Variants in GSE1 observed in about 807,000 individuals in gnomAD.
GSE1 encodes the protein Gse1 coiled-coil protein, also known as genetic suppressor element 1.
In GSE1, 32 loss-of-function variants were observed where a neutral mutation model predicts 112.6. The observed-to-expected ratio is 0.28, with a 90% CI of 0.21 to 0.38. The LOEUF is 0.38. GSE1 is among the 10% of genes least tolerant of loss of function. The pLI is 1.00. For synonymous variants in GSE1, 1,115 were observed against 735.6 expected, an observed-to-expected ratio of 1.52 and a Z score of -8.35; for missense variants, 2,348 against 1,699.2, an observed-to-expected ratio of 1.38 and a Z score of -6.71.
At chr16:85,460,821 G>A (rs1226173781) in intron 2 of GSE1, among the ~76,000 whole-genome samples, 1 of 152,148 alleles carries the variant, frequency 6.6e-6, no homozygotes, top group African/African-American at 2.4e-5. Flanking sequence ...GAGGAAGCCA[G>A]GGTGGGGGTG....
chr16:85,257,237 T>C (rs1181175544), intron 1 of GSE1, among the ~76,000 whole-genome samples: 5 of 152,194 alleles, frequency 3.3e-5, no homozygotes, highest in Admixed American at 3.3e-4. Flanking sequence ...TCCTCCCGAA[T>C]AGCTGGCATT....
chr16:85,365,232 C>G (rs1390862645), intron 2 of GSE1, among the ~76,000 whole-genome samples: 1 of 152,176 alleles, frequency 6.6e-6, no homozygotes. Context: ...CCCCGGGAGA[C>G]CAGCCTTAGA....
chr16:85,252,563 C>T (rs1316037829), intron 1 of GSE1, among the ~76,000 whole-genome samples: 1 of 152,232 alleles, frequency 6.6e-6, no homozygotes, highest in Non-Finnish European at 1.5e-5. Flanking sequence ...AAGTCAGGGT[C>T]AGGTGTCAGG....
chr16:85,288,931 G>A (rs1184677189), intron 1 of GSE1, among the ~76,000 whole-genome samples: 1 of 152,172 alleles, frequency 6.6e-6, no homozygotes, highest in Non-Finnish European at 1.5e-5. Context: ...GAGAAATGGT[G>A]TGCCTAGCAC....
chr16:85,260,583 A>G (rs1048346918), intron 1 of GSE1, among the ~76,000 whole-genome samples: 1 of 152,136 alleles, frequency 6.6e-6, no homozygotes, highest in Non-Finnish European at 1.5e-5. Flanking sequence ...TCGGCCTCCC[A>G]AAGTGCTGGG....
At chr16:85,621,346 A>T (rs548501819) in intron 1 of GSE1, among the ~76,000 whole-genome samples, 1 of 152,330 alleles carries the variant, frequency 6.6e-6, no homozygotes, top group East Asian at 1.9e-4. Flanking sequence ...TCGTCTCTTG[A>T]AAAAGGTTTG....
chr16:85,366,680 C>A (rs952430579), intron 2 of GSE1, among the ~76,000 whole-genome samples: 1 of 152,180 alleles, frequency 6.6e-6, no homozygotes, highest in African/African-American at 2.4e-5. Context: ...TCAGCTGGTT[C>A]CCTTGCTAGC....
intron 2 of GSE1, among the ~76,000 whole-genome samples, chr16:85,446,653 G>C (rs570948927): frequency 6.6e-6 from 1 of 152,168 alleles, no homozygotes; most frequent in African/African-American, 2.4e-5. Flanking sequence ...GCCATCGAGC[G>C]GGTTCTCTGC....
chr16:85,371,823 C>T (rs948620550), intron 2 of GSE1, among the ~76,000 whole-genome samples: 1 of 152,192 alleles, frequency 6.6e-6, no homozygotes, highest in African/African-American at 2.4e-5. Context: ...TGAGGCTGCT[C>T]AGTAGTCCCG....
Position 85,672,648 on chromosome 16 carries a change from A to G in GSE1, c.*109A>G. The stretch of plus-strand genomic sequence containing the variant: ...GAGGTTTGAAGCTTACAAAATGAGA[A>G]TGTGCCATGCATGAAGCAAAGGATT... On this transcript the variant is annotated 3_prime_UTR_variant, in exon 16 of 16. Coordinates refer to ENST00000253458, the MANE Select transcript of GSE1 (RefSeq NM_014615.5). 1 of 743,056 alleles carries G rather than the reference A, an allele frequency of 1.3e-6. No individual in the cohort carries two copies. The highest frequency in any genetic ancestry group is 3.0e-5 in the East Asian group (1 of 33,872). 46.0% of individuals were successfully genotyped at this position (743,056 alleles called of 1,614,324 possible).
intron 2 of GSE1, among the ~76,000 whole-genome samples, chr16:85,502,276 G>A (rs944511172): frequency 6.6e-6 from 1 of 152,172 alleles, no homozygotes; most frequent in African/African-American, 2.4e-5. Context: ...AGTGGAGTTC[G>A]ATCCTGGCAG....
intron 2 of GSE1, among the ~76,000 whole-genome samples, chr16:85,426,748 G>A (rs1037988946): frequency 1.3e-5 from 2 of 152,178 alleles, no homozygotes; most frequent in African/African-American, 2.4e-5. Flanking sequence ...AGGATGGATG[G>A]ATGAATGAAC....
chr16:85,333,689 C>T lies in GSE1; in HGVS notation c.2284-23774C>T, dbSNP rs559916914. On this transcript the variant is annotated intron_variant, in intron 1 of 2. Coordinates refer to the GSE1 transcript ENST00000637419. ...GAGCAAGTCTTTGGAGCTGGGCCGG[C>T]AGGCATGGGGGCCCAAAGAGGGTCC... 2.5e-3 allele frequency among the ~76,000 whole-genome samples: 378 copies of T among 152,328 alleles called. 3 individuals are homozygous for T. Among genetic ancestry groups the T allele is most frequent in the Admixed American group, 4.0e-3 (61 of 15,302 alleles).
intron 1 of GSE1, among the ~76,000 whole-genome samples, chr16:85,325,405 CA>C (rs1284551137): frequency 6.6e-6 from 1 of 151,518 alleles, no homozygotes; most frequent in African/African-American, 2.4e-5. Context: ...GTTTTCAAAC[CA>C]AAAATTGAGT....
Position 85,540,940 on chromosome 16 carries a change from G to GT in GSE1, c.2465-92967dup, listed in dbSNP as rs1236662245. ...GAAGCCTTGGGTACATTCTTATCTA[G>GT]TTTTTTTGGGTTGGTTTTACTGGCC... On this transcript the variant is annotated intron_variant, in intron 2 of 2. Coordinates refer to the GSE1 transcript ENST00000637419. Among the ~76,000 whole-genome samples, 5 of 152,116 alleles carry GT rather than the reference G, an allele frequency of 3.3e-5. No individual in the cohort carries two copies. In the South Asian group the frequency reaches 1.0e-3, roughly 32 times the overall value.
chr16:85,573,812 G>C (rs1416601393), intron 1 of GSE1, among the ~76,000 whole-genome samples: 1 of 152,220 alleles, frequency 6.6e-6, no homozygotes, highest in Non-Finnish European at 1.5e-5. Flanking sequence ...TATTGTGAGT[G>C]AGTGTCCTCC....
chr16:85,631,977 G>A (rs557238955), intron 1 of GSE1, among the ~76,000 whole-genome samples: 5 of 152,374 alleles, frequency 3.3e-5, no homozygotes, highest in South Asian at 4.1e-4. Context: ...CTGGCGGTGC[G>A]GAGCAGAGAG....
chr16:85,283,496 A>T (rs1389050573), intron 1 of GSE1: 1 of 152,622 alleles, frequency 6.6e-6, no homozygotes, highest in East Asian at 1.9e-4. Context: ...GCATGGCCTA[A>T]CTCAGGCAGA....
chr16:85,654,221 C>T (rs113189854), intron 3 of GSE1, 57 bp from the exon 4 acceptor site: 14 of 1,502,800 alleles, frequency 9.3e-6, no homozygotes, highest in East Asian at 2.5e-5. Context: ...TGGCTGTGTC[C>T]TGTGGTCAGT....
Sources: allele counts gnomAD v4.1 joint callset (sites outside exome capture counted in the v4.1 genomes callset), GRCh38; gene constraint gnomAD v4.1.1; transcripts MANE v1.5; gene names NCBI Gene and HGNC (gene_info 2026-07-23, HGNC 2026-07-21).